The following TANC2 variants were observed in gnomAD, a reference collection of about 807,000 sequenced individuals.
The protein encoded by TANC2 is tetratricopeptide repeat, ankyrin repeat and coiled-coil containing 2.
A neutral mutation model predicts 210.5 loss-of-function variants in TANC2; 26 were observed. The ratio of observed to expected loss-of-function variants is 0.12; its 90% CI spans 0.09 to 0.17. The LOEUF is 0.17. Among genes scored for constraint, TANC2 ranks in the 10% least tolerant of loss-of-function variants. The probability of loss-of-function intolerance (pLI) is 1.00; values close to 1 mark genes in which losing one functional copy is unlikely to be tolerated. For missense variants in TANC2, 2,129 were observed against 2,608.9 expected, an observed-to-expected ratio of 0.82 and a Z score of 4.01; for synonymous variants, 931 against 967.1, an observed-to-expected ratio of 0.96 and a Z score of 0.69.
At chr17:63,242,837 A>C (rs971961541) in intron 8 of TANC2, among the ~76,000 whole-genome samples, 10 of 152,186 alleles carry the variant, frequency 6.6e-5, no homozygotes, top group African/African-American at 2.4e-4. Flanking sequence ...AGCAACATAC[A>C]TGAATCTCAA....
intron 11 of TANC2, among the ~76,000 whole-genome samples, chr17:63,329,907 T>C (rs1214507983): frequency 1.3e-5 from 2 of 152,116 alleles, no homozygotes; most frequent in African/African-American, 4.8e-5. Context: ...AACAATTAAA[T>C]TTAGTGAGGA....
intron 7 of TANC2, among the ~76,000 whole-genome samples, chr17:63,211,092 G>A (rs748848308): frequency 6.6e-6 from 1 of 151,990 alleles, no homozygotes; most frequent in African/African-American, 2.4e-5. Flanking sequence ...GATTAATACA[G>A]ATCTTTTTGT....
chr17:63,036,970 C>CT (rs35477395), intron 2 of TANC2, among the ~76,000 whole-genome samples: 7 of 151,204 alleles, frequency 4.6e-5, no homozygotes, highest in Non-Finnish European at 7.4e-5. Flanking sequence ...GTACTTATGT[C>CT]TTTTTTTACA....
At chr17:63,274,877 T>C (rs1400067873) in intron 9 of TANC2, among the ~76,000 whole-genome samples, 1 of 152,198 alleles carries the variant, frequency 6.6e-6, no homozygotes, top group African/African-American at 2.4e-5. Flanking sequence ...TGTGGAGTTA[T>C]GCTAAAAATT....
At chr17:63,360,077 A>C (rs931187941) in intron 14 of TANC2, among the ~76,000 whole-genome samples, 1 of 152,230 alleles carries the variant, frequency 6.6e-6, no homozygotes, top group Non-Finnish European at 1.5e-5. Context: ...GTCCTCCCCA[A>C]AGTGAAAAAT....
intron 15 of TANC2, among the ~76,000 whole-genome samples, chr17:63,388,415 C>T (rs1203901842): frequency 6.6e-6 from 1 of 152,102 alleles, no homozygotes; most frequent in African/African-American, 2.4e-5. Flanking sequence ...GTTGAGTAGA[C>T]GTGTTGCTAA....
chr17:63,260,050 CAG>C (rs1412614849), intron 8 of TANC2, among the ~76,000 whole-genome samples: 5 of 151,954 alleles, frequency 3.3e-5, no homozygotes, highest in African/African-American at 9.7e-5. Flanking sequence ...AGCCATAAAA[CAG>C]AATTAAAAGA....
At chr17:63,041,319 T>A (rs2144261903) in intron 2 of TANC2, among the ~76,000 whole-genome samples, 1 of 152,292 alleles carries the variant, frequency 6.6e-6, no homozygotes, top group Non-Finnish European at 1.5e-5. Flanking sequence ...ATATACTATA[T>A]TATTGAAATG....
At chr17:63,036,241 T>G (rs2144196743) in intron 2 of TANC2, among the ~76,000 whole-genome samples, 1 of 152,338 alleles carries the variant, frequency 6.6e-6, no homozygotes, top group Non-Finnish European at 1.5e-5. Flanking sequence ...TCTCCTGTGT[T>G]TCTTCTGAAA....
intron 2 of TANC2, among the ~76,000 whole-genome samples, chr17:63,036,577 C>T (rs1473302483): frequency 1.3e-5 from 2 of 152,118 alleles, no homozygotes; most frequent in Admixed American, 6.6e-5. Flanking sequence ...TCAAAATTGT[C>T]GTAGCTATTT....
chr17:63,318,518 C>G (rs1336644370), intron 10 of TANC2, among the ~76,000 whole-genome samples: 2 of 152,200 alleles, frequency 1.3e-5, no homozygotes, highest in Non-Finnish European at 1.5e-5. Flanking sequence ...ATTTCCAGCC[C>G]TAGGTAACCA....
chr17:63,200,966 G>A lies in TANC2; in HGVS notation c.769+9G>A. On this transcript the variant is annotated intron_variant, in intron 7 of 27. Transcript: ENST00000689528. Reference sequence around the variant, plus strand: ...AGATAGTGGCATCATTGGTGAGTTGGTTTTTATATTGATAATTTTGTGTCC... The same window carrying A: ...AGATAGTGGCATCATTGGTGAGTTGATTTTTATATTGATAATTTTGTGTCC... 6.3e-7 allele frequency: 1 copy of A among 1,588,314 alleles called. No homozygotes were observed. The highest frequency in any genetic ancestry group is 8.6e-7 in the Non-Finnish European group (1 of 1,168,872).
chr17:63,293,869 C>T (rs373082487), intron 9 of TANC2, among the ~76,000 whole-genome samples: 1 of 150,060 alleles, frequency 6.7e-6, no homozygotes, highest in South Asian at 2.2e-4. Flanking sequence ...GCTCGGACTA[C>T]AGCCACATGC....
At chr17:63,180,016 C>G (rs537741849) in intron 5 of TANC2, among the ~76,000 whole-genome samples, 3 of 149,674 alleles carry the variant, frequency 2.0e-5, no homozygotes, top group Admixed American at 2.0e-4. Context: ...TGGCACATGC[C>G]TGTGGTACCA....
exon 2 of TANC2, chr17:63,009,554 A>G: frequency 1.9e-6 from 3 of 1,612,768 alleles, no homozygotes; most frequent in South Asian, 2.2e-5. Context: ...GTAGAAGAGT[A>G]TAACCATGTT....
intron 2 of TANC2, among the ~76,000 whole-genome samples, chr17:63,057,620 T>C (rs1427195987): frequency 6.6e-6 from 1 of 152,164 alleles, no homozygotes; most frequent in African/African-American, 2.4e-5. Flanking sequence ...TGTCTGTTGT[T>C]TCCCTCTTTG....
intron 2 of TANC2, among the ~76,000 whole-genome samples, chr17:63,039,137 A>G (rs985472000): frequency 6.6e-6 from 1 of 152,210 alleles, no homozygotes; most frequent in African/African-American, 2.4e-5. Flanking sequence ...TATGTAAAAA[A>G]TTACTTTCAT....
At chr17:63,141,416 A>T (rs1598463391) in intron 4 of TANC2, among the ~76,000 whole-genome samples, 1 of 125,262 alleles carries the variant, frequency 8.0e-6, no homozygotes, top group Admixed American at 8.0e-5. Context: ...AAAAAAAAAA[A>T]ATTAGCCCGG....
Position 63,421,763 on chromosome 17 carries a change from T to C in TANC2, c.6033T>C (p.Ala2011=). Reference sequence around the variant, plus strand: ...ATTACAGCCCCCATGGGATGCTGGCTAACGGGTCTCGTGGAGACCTCTTGG... The same window carrying C: ...ATTACAGCCCCCATGGGATGCTGGCCAACGGGTCTCGTGGAGACCTCTTGG... Residue 2011 remains alanine, a synonymous_variant, in exon 28 of 28, where the codon GCT becomes GCC. Transcript: ENST00000689528. The surrounding 1 kb of genome is among the most constrained non-coding windows in gnomAD (Gnocchi z 6.9). 1.2e-6 allele frequency: 2 copies of C among 1,614,064 alleles called. No individual in the cohort carries two copies. The highest frequency in any genetic ancestry group is 1.7e-6 in the Non-Finnish European group (2 of 1,179,902).
Sources: allele counts gnomAD v4.1 joint callset (sites outside exome capture counted in the v4.1 genomes callset), GRCh38; gene constraint gnomAD v4.1.1; non-coding constraint Gnocchi (gnomAD v3.1); transcripts MANE v1.5; gene names NCBI Gene and HGNC (gene_info 2026-07-23, HGNC 2026-07-21).